Variants in AMZ1 observed in about 807,000 individuals in gnomAD.
AMZ1 encodes archaelysin family metallopeptidase 1.
A neutral mutation model predicts 29.9 loss-of-function variants in AMZ1; 39 were observed. The ratio of observed to expected loss-of-function variants is 1.30; its 90% CI spans 1.01 to 1.70. The LOEUF is 1.70. AMZ1 is among the 40% of genes most tolerant of loss of function. The pLI, the probability that AMZ1 is intolerant of heterozygous loss-of-function variation, is 0.00. For missense variants in AMZ1, 1,041 were observed against 680.6 expected (o/e 1.53, Z -5.89); for synonymous variants, 458 against 304.0 (o/e 1.51, Z -5.27).
In AMZ1 at chr7:2,709,828, A is replaced by G; in HGVS notation, c.948+12A>G. On this transcript the variant is annotated intron_variant, in intron 6 of 6. Coordinates refer to ENST00000683327, the MANE Select transcript of AMZ1 (RefSeq NM_001384743.1). ...TCGAGAGGTACCAGGTGAGTGGCTG[A>G]GTTGCGCTGCCCGGCTGCTGGGACC... 1.2e-6 allele frequency: 2 copies of G among 1,610,942 alleles called. No homozygotes were observed. Among genetic ancestry groups the G allele is most frequent in the Non-Finnish European group, 1.7e-6 (2 of 1,179,412 alleles).
upstream of AMZ1, among the ~76,000 whole-genome samples, chr7:2,684,007 A>G (rs1786980999): frequency 6.6e-6 from 1 of 151,750 alleles, no homozygotes; most frequent in Non-Finnish European, 1.5e-5. Context: ...GTGAAACCCC[A>G]TCTCTACTAA....
upstream of AMZ1, chr7:2,763,064 G>C: frequency 6.4e-6 from 8 of 1,246,756 alleles, no homozygotes; most frequent in Non-Finnish European, 8.0e-6. Context: ...GACGCAGACC[G>C]GGGCTCCCTA....
chr7:2,744,460 T>G (rs1029560712), intron 4 of AMZ1, among the ~76,000 whole-genome samples: 10 of 152,204 alleles, frequency 6.6e-5, no homozygotes, highest in Admixed American at 5.9e-4. Context: ...CTGAGGGTCC[T>G]GTCTGTTAGA....
At chr7:2,709,036 C>T in intron 4 of AMZ1, 39 bp from the exon 5 acceptor site, 1 of 1,530,684 alleles carries the variant, frequency 6.5e-7, no homozygotes, top group South Asian at 1.3e-5. Flanking sequence ...AGAGCCAAGG[C>T]TGACCCCTGA....
At chr7:2,723,727 G>A (rs1199115015), downstream of AMZ1, among the ~76,000 whole-genome samples, 3 of 152,232 alleles carry the variant, frequency 2.0e-5, no homozygotes, top group Non-Finnish European at 4.4e-5. Flanking sequence ...GAGGCCTGCA[G>A]GTCAGGCACC....
downstream of AMZ1, among the ~76,000 whole-genome samples, chr7:2,721,258 G>A (rs1167593393): frequency 6.6e-6 from 1 of 152,246 alleles, no homozygotes; most frequent in Non-Finnish European, 1.5e-5. Context: ...GCCGGGCCCT[G>A]TGCTGAGCGC....
In AMZ1 at chr7:2,716,757, C is replaced by T. The variant is rs1245688483; in HGVS notation, c.*3879C>T. On this transcript the variant is annotated 3_prime_UTR_variant, in exon 7 of 7. Transcript: ENST00000683327. ...GTCTTCCCTAGTGGGTCAGTCAACTCCACCGCTTAAGGGGTCCTTCCTATG... is the reference window on the plus strand; with the variant it reads ...GTCTTCCCTAGTGGGTCAGTCAACTTCACCGCTTAAGGGGTCCTTCCTATG... Among the ~76,000 whole-genome samples the T allele has an allele frequency of 2.6e-5, 4 of 152,222 alleles. No individual in the cohort carries two copies. The highest frequency in any genetic ancestry group is 2.0e-4 in the Admixed American group (3 of 15,288).
chr7:2,709,857 G>A (rs550389395), intron 6 of AMZ1, 41 bp downstream of exon 6: 53 of 1,600,964 alleles, frequency 3.3e-5, no homozygotes, highest in Admixed American at 1.2e-4. Context: ...TGGGACCTGC[G>A]CTCCGGAGGC....
rs1239030795 is a variant in AMZ1 at position 2,719,027 on chromosome 7, C to CTTTT, written c.*6149_*6150insTTTT. 2.2e-4 allele frequency among the ~76,000 whole-genome samples: 33 copies of CTTTT among 148,114 alleles called. No homozygotes were observed. The highest frequency in any genetic ancestry group is 1.7e-3 in the Admixed American group (26 of 15,010). ...AGGCGACTTTTTTTTTTTTTTTTCC[C>CTTTT]CCCCATCTGAAGTGAGATCAAACTT... On this transcript the variant is annotated 3_prime_UTR_variant, in exon 7 of 7. Transcript: ENST00000683327.
At chr7:2,739,433 G>GC (rs1243699994) in intron 4 of AMZ1, among the ~76,000 whole-genome samples, 1 of 152,088 alleles carries the variant, frequency 6.6e-6, no homozygotes, top group Non-Finnish European at 1.5e-5. Context: ...TCCGAGGCTC[G>GC]CCCATGCTGT....
At chr7:2,683,983 G>T (rs1314757198), upstream of AMZ1, among the ~76,000 whole-genome samples, 1 of 151,854 alleles carries the variant, frequency 6.6e-6, no homozygotes, top group Admixed American at 6.6e-5. Flanking sequence ...TTTAAGACCA[G>T]CCTGGCCAAC....
At chr7:2,701,436 C>A (rs1326002342) in intron 2 of AMZ1, among the ~76,000 whole-genome samples, 1 of 152,076 alleles carries the variant, frequency 6.6e-6, no homozygotes, top group Non-Finnish European at 1.5e-5. Flanking sequence ...CTGGGCTGAG[C>A]AGGGTGGGGG....
intron 4 of AMZ1, among the ~76,000 whole-genome samples, chr7:2,747,667 G>T (rs1200473077): frequency 1.3e-5 from 2 of 152,098 alleles, no homozygotes; most frequent in African/African-American, 2.4e-5. Context: ...GAAGTCCTAG[G>T]CAGGGCAATC....
chr7:2,718,194 C>G lies in AMZ1; in HGVS notation c.*5316C>G, dbSNP rs1181690060. On this transcript the variant is annotated 3_prime_UTR_variant, in exon 7 of 7. Transcript: ENST00000683327. ...ACTTCTGTCACATGGAAACTGAGCC[C>G]GGCATGGAGTCACGTGGCTCCACCC... is the stretch of plus-strand genomic sequence containing the variant. Among the ~76,000 whole-genome samples the G allele has an allele frequency of 1.3e-5, 2 of 152,226 alleles. No individual in the cohort carries two copies. The highest frequency in any genetic ancestry group is 2.9e-5 in the Non-Finnish European group (2 of 68,038).
chr7:2,761,235 C>T (rs954203943), upstream of AMZ1, among the ~76,000 whole-genome samples: 7 of 152,190 alleles, frequency 4.6e-5, no homozygotes, highest in African/African-American at 9.7e-5. Context: ...TGCTACCTCC[C>T]GGCCGTGGAT....
chr7:2,701,345 C>T (rs561528524), intron 2 of AMZ1, among the ~76,000 whole-genome samples: 21 of 152,108 alleles, frequency 1.4e-4, no homozygotes, highest in Non-Finnish European at 2.9e-4. Context: ...CAGAGCTGGT[C>T]ACTGGTAGGG....
At chr7:2,691,742 A>AAAAAAAT (rs1787402108) in intron 1 of AMZ1, among the ~76,000 whole-genome samples, 1 of 151,534 alleles carries the variant, frequency 6.6e-6, no homozygotes, top group South Asian at 2.1e-4. Context: ...AAAAAAAAAA[A>AAAAAAAT]AAAAAATAAG....
chr7:2,744,127 C>T (rs1036845849), intron 4 of AMZ1, among the ~76,000 whole-genome samples: 21 of 152,236 alleles, frequency 1.4e-4, no homozygotes, highest in African/African-American at 4.8e-4. Flanking sequence ...CAGCAGTAAC[C>T]TCTGCAGACT....
At chr7:2,743,594 C>T (rs1021035940) in intron 4 of AMZ1, among the ~76,000 whole-genome samples, 3 of 152,210 alleles carry the variant, frequency 2.0e-5, no homozygotes, top group Non-Finnish European at 2.9e-5. Flanking sequence ...CTCCGGTCTA[C>T]AGCTCCCAGC....
Sources: allele counts gnomAD v4.1 joint callset (sites outside exome capture counted in the v4.1 genomes callset), GRCh38; gene constraint gnomAD v4.1.1; transcripts MANE v1.5; gene names NCBI Gene and HGNC (gene_info 2026-07-23, HGNC 2026-07-21).